Variants in COG8 observed in about 807,000 individuals in gnomAD.
COG8 encodes component of oligomeric golgi complex 8.
A neutral mutation model predicts 46.5 loss-of-function variants in COG8; 45 were observed. The ratio of observed to expected loss-of-function variants is 0.97; its 90% CI spans 0.76 to 1.24. The LOEUF (loss-of-function observed/expected upper bound fraction) is 1.24, where lower values mean the gene tolerates loss of function less well. Among genes scored for constraint, COG8 ranks in the 50% most tolerant of loss-of-function variants. COG8 has a pLI of 0.00. For synonymous variants in COG8, 407 were observed against 347.8 expected, an observed-to-expected ratio of 1.17 and a Z score of -1.90; for missense variants, 793 against 820.8, an observed-to-expected ratio of 0.97 and a Z score of 0.41.
chr16:69,327,531 C>T lies in COG8; in HGVS notation c.*1675G>A, dbSNP rs1428074030. On this transcript the variant is annotated 3_prime_UTR_variant, in exon 6 of 6. Transcript: ENST00000306875. ...TTTGCTTCTGCTTGGCCTCATGGGG[C>T]CTCAGAGAAAGCCACAAAGGAGGAT... is the stretch of plus-strand genomic sequence containing the variant. 3 of 151,964 alleles carry T rather than the reference C, an allele frequency of 2.0e-5. No individual in the cohort carries two copies. Among genetic ancestry groups the T allele is most frequent in the Non-Finnish European group, 2.9e-5 (2 of 67,978 alleles). 9.4% of individuals were successfully genotyped at this position (151,964 alleles called of 1,614,324 possible).
chr16:69,329,930 C>T (rs893608550), intron 5 of COG8: 3 of 1,451,080 alleles, frequency 2.1e-6, no homozygotes, highest in Admixed American at 2.6e-5. Context: ...CACTTCTGCG[C>T]TCTCGCGGAG....
intron 4 of COG8, chr16:69,332,508 T>C (rs1328912440): frequency 7.9e-6 from 5 of 634,938 alleles, no homozygotes; most frequent in African/African-American, 7.3e-5. Flanking sequence ...GGCAAATCTA[T>C]GGCAACAGAA....
At position 69,339,540 on chromosome 16, in the gene COG8, C is replaced by T. The variant is rs1307693516; in HGVS notation, c.13G>A (p.Ala5Thr). The T allele has an allele frequency of 6.2e-7, 1 of 1,608,908 alleles. No homozygotes were observed. Residue 5 changes from alanine to threonine, a missense_variant, in exon 1 of 6, where the codon GCG (alanine) becomes ACG (threonine). Transcript: ENST00000306875. ...GCCGTGGCTACCGATGGGATAGTCG[C>T]CGCGGTCGCCATCTTCCCAGCAACA... Reference protein sequence around the residue: MATAATIPSVATATA... With the variant: MATATTIPSVATATA...
chr16:69,329,912 A>G (rs1238377270), intron 5 of COG8: 41 of 1,406,982 alleles, frequency 2.9e-5, no homozygotes, highest in Non-Finnish European at 3.7e-5. Flanking sequence ...CGGCGTATGA[A>G]CCGCGACCAC....
At chr16:69,337,835 A>G (rs2012290948) in intron 1 of COG8, among the ~76,000 whole-genome samples, 1 of 151,592 alleles carries the variant, frequency 6.6e-6, no homozygotes. Flanking sequence ...TCTCAGGTTC[A>G]AGTAATTCTC....
chr16:69,332,044 G>A (rs373606704), intron 4 of COG8, among the ~76,000 whole-genome samples: 3 of 151,954 alleles, frequency 2.0e-5, no homozygotes, highest in African/African-American at 7.3e-5. Context: ...GGACAAGGAC[G>A]TGAAAGTGAA....
chr16:69,328,756 C>T lies in COG8; in HGVS notation c.*450G>A, dbSNP rs1567427969. 1 of 445,350 alleles carries T rather than the reference C, an allele frequency of 2.2e-6. No individual in the cohort carries two copies. Among genetic ancestry groups the T allele is most frequent in the Admixed American group, 4.7e-5 (1 of 21,296 alleles). 27.6% of individuals were successfully genotyped at this position (445,350 alleles called of 1,614,324 possible). On this transcript the variant is annotated 3_prime_UTR_variant, in exon 6 of 6. Coordinates refer to ENST00000306875, the MANE Select transcript of COG8 (RefSeq NM_032382.5). ...CTACTGCAGACGAATGCAATTACCC[C>T]ACCTTCCTCCATACAGAATTGTTAG...
chr16:69,332,243 G>T (rs746875485), intron 4 of COG8, among the ~76,000 whole-genome samples: 1 of 152,106 alleles, frequency 6.6e-6, no homozygotes, highest in African/African-American at 2.4e-5. Context: ...CCAGCTACTC[G>T]GGAGGCTGAG....
chr16:69,334,415 C>G (rs1314276815), intron 3 of COG8, 106 bp downstream of exon 3: 6 of 1,033,478 alleles, frequency 5.8e-6, no homozygotes, highest in Non-Finnish European at 7.4e-6. Context: ...CACTAGACCT[C>G]TCCATGTCAG....
At chr16:69,332,214 G>A (rs376588232) in intron 4 of COG8, among the ~76,000 whole-genome samples, 19 of 152,286 alleles carry the variant, frequency 1.2e-4, no homozygotes, top group African/African-American at 4.3e-4. Flanking sequence ...GCTGGGCGTG[G>A]TGGTGCGAGT....
chr16:69,330,248 C>G, intron 5 of COG8: 1 of 1,437,722 alleles, frequency 7.0e-7, no homozygotes, highest in Non-Finnish European at 9.1e-7. Flanking sequence ...TAGGCCCACG[C>G]AGCGCCGCCG....
intron 1 of COG8, 31 bp downstream of exon 1, chr16:69,339,145 T>C (rs1597227086): frequency 2.5e-6 from 4 of 1,612,836 alleles, no homozygotes; most frequent in Non-Finnish European, 3.4e-6. Flanking sequence ...TTTACAGTTA[T>C]AAAACCCCTT....
rs1597218154 is a variant in COG8 at position 69,328,216 on chromosome 16, G to C, written c.*990C>G. The C allele has an allele frequency of 2.6e-5, 4 of 152,418 alleles. No individual in the cohort carries two copies. Among genetic ancestry groups the C allele is most frequent in the African/African-American group, 9.6e-5 (4 of 41,568 alleles). The allele number at this position is 152,418 out of a possible 1,614,324, so 9.4% of individuals were successfully genotyped here. On this transcript the variant is annotated 3_prime_UTR_variant, in exon 6 of 6. Coordinates refer to ENST00000306875, the MANE Select transcript of COG8 (RefSeq NM_032382.5). ...CCGCCCCGCCCTCCCAAAGTGCTGG[G>C]ATTACAGGCGTGAACCACTGCACCT...
In COG8 at chr16:69,334,607, G is replaced by C. The variant is rs1251867719; in HGVS notation, c.1327C>G (p.Leu443Val). 1 of 1,614,208 alleles carries C rather than the reference G, an allele frequency of 6.2e-7. No individual in the cohort carries two copies. The highest frequency in any genetic ancestry group is 1.7e-5 in the Admixed American group (1 of 60,030). Residue 443 changes from leucine to valine, a missense_variant, in exon 3 of 6, where the codon CTG becomes GTG. By Grantham distance (32) the Leu-to-Val change is conservative. Transcript: ENST00000306875. ...AGGCGCAGATCATTGAAGGCAACCA[G>C]AATATTGTTGAGAAAGCAGGCGAGG... is the stretch of plus-strand genomic sequence containing the variant. ...PPLACFLNNI[L>V]VAFNDLRLCC...
Position 69,328,936 on chromosome 16 carries a change from A to C in COG8, c.*270T>G. The C allele has an allele frequency of 1.3e-6, 2 of 1,527,116 alleles. No individual in the cohort carries two copies. Among genetic ancestry groups the C allele is most frequent in the Non-Finnish European group, 1.8e-6 (2 of 1,140,966 alleles). 94.6% of individuals were successfully genotyped at this position (1,527,116 alleles called of 1,614,324 possible). A position where few individuals can be genotyped will look rare whatever the true frequency, so the allele number is the denominator to read the frequency against. On this transcript the variant is annotated 3_prime_UTR_variant, in exon 6 of 6. Transcript: ENST00000306875. Reference sequence around the variant, plus strand: ...TTTCCTGTCATATGCGAGCCATCCAAGTTGATGCCAAGTAAGATTTGCCCA... The same window carrying C: ...TTTCCTGTCATATGCGAGCCATCCACGTTGATGCCAAGTAAGATTTGCCCA...
Position 69,335,001 on chromosome 16 carries a change from CTCAT to C in COG8, c.929_932del (p.Asn310ArgfsTer28). 1 of 1,614,196 alleles carries C rather than the reference CTCAT, an allele frequency of 6.2e-7. No homozygotes were observed. Among genetic ancestry groups the C allele is most frequent in the Non-Finnish European group, 8.5e-7 (1 of 1,180,042 alleles). ...GCACCCAGCCATGGAAGATGGCACT[CTCAT>C]TCACAGTGTGCTCACCCATGGCAGG... On this transcript the variant is annotated frameshift_variant, in exon 3 of 6. Transcript: ENST00000306875. LOFTEE classifies it high-confidence loss of function.
chr16:69,330,740 C>A (rs1417853689), intron 5 of COG8, 73 bp downstream of exon 5: 3 of 1,430,624 alleles, frequency 2.1e-6, no homozygotes, highest in Admixed American at 5.6e-5. Flanking sequence ...AGCGCCTTCC[C>A]GCCTCCCGAA....
At chr16:69,331,146 C>A in intron 4 of COG8, 51 bp from the exon 5 acceptor site, 2 of 1,605,830 alleles carry the variant, frequency 1.2e-6, no homozygotes, top group South Asian at 2.2e-5. Context: ...TAATAAAACT[C>A]AATATAGAAA....
chr16:69,339,476 A>G lies in COG8; in HGVS notation c.77T>C (p.Leu26Pro). 1 of 1,603,586 alleles carries G rather than the reference A, an allele frequency of 6.2e-7. No homozygotes were observed. The highest frequency in any genetic ancestry group is 1.1e-5 in the South Asian group (1 of 90,716). ...GCGGTCCCGGAACAGCGACGCCAGG[A>G]GCCCTTCATCCTCCACCTCGCCGAG... ...AALGEVEDEGLLASLFRDRFP... is the reference protein window; with the variant it reads ...AALGEVEDEGPLASLFRDRFP... The change falls in exon 1 of 6, where the codon CTC becomes CCC. Residue 26 changes from leucine to proline, a missense_variant. Coordinates refer to ENST00000306875, the MANE Select transcript of COG8 (RefSeq NM_032382.5).
Sources: gnomAD v4.1 joint callset for allele counts (sites outside exome capture counted in the v4.1 genomes callset) on GRCh38, gnomAD v4.1.1 for gene constraint, MANE v1.5 for transcripts, NCBI Gene and HGNC (gene_info 2026-07-23, HGNC 2026-07-21) for gene names.